Variants in EMSY observed in about 807,000 individuals in gnomAD.
EMSY encodes EMSY transcriptional repressor, BRCA2 interacting.
Under a neutral mutation model 134.6 loss-of-function variants are expected in EMSY, and 26 were observed. The observed-to-expected ratio is 0.19, with a 90% CI of 0.14 to 0.27. The LOEUF (loss-of-function observed/expected upper bound fraction) is 0.27. EMSY is among the 10% of genes least tolerant of loss of function. The probability of loss-of-function intolerance (pLI) is 1.00; values close to 1 mark genes in which losing one functional copy is unlikely to be tolerated. For synonymous variants in EMSY, 579 were observed against 577.8 expected, an observed-to-expected ratio of 1.00 and a Z score of -0.03; for missense variants, 1,305 against 1,611.4, an observed-to-expected ratio of 0.81 and a Z score of 3.26.
chr11:76,527,943 C>T lies in EMSY; in HGVS notation c.1996-325C>T, dbSNP rs149843954. Reference sequence around the variant, plus strand: ...GACTCCTTGTGTCTTTTTGTTCTGCCATCCTCAGCTTGTGGATATCATTTT... The same window carrying T: ...GACTCCTTGTGTCTTTTTGTTCTGCTATCCTCAGCTTGTGGATATCATTTT... On this transcript the variant is annotated intron_variant, in intron 13 of 20. Coordinates refer to ENST00000334736, the Ensembl canonical transcript of EMSY. 7.2e-5 allele frequency among the ~76,000 whole-genome samples: 11 copies of T among 152,068 alleles called. No homozygotes were observed. In the East Asian group the frequency reaches 2.1e-3, roughly 29 times the overall value.
Position 76,545,813 on chromosome 11 carries a change from T to C in EMSY, c.3290T>C (p.Ile1097Thr), listed in dbSNP as rs747857058. ...TATTTTCAGGTGGAGCAGCCAATTA[T>C]AACCCAAGGATCCTCTGTTACAAAG... Residue 1097 changes from isoleucine (I) to threonine (T), a missense_variant, in exon 20 of 21, where the codon ATA becomes ACA. Coordinates refer to ENST00000334736, the Ensembl canonical transcript of EMSY. 1.3e-4 allele frequency: 203 copies of C among 1,606,896 alleles called. 4 individuals are homozygous for C. In the South Asian group the frequency reaches 2.2e-3, roughly 17 times the overall value.
At chr11:76,486,547 G>C (rs1054771007) in intron 8 of EMSY, among the ~76,000 whole-genome samples, 4 of 152,124 alleles carry the variant, frequency 2.6e-5, no homozygotes, top group African/African-American at 9.7e-5. Context: ...AGTTGTGCAT[G>C]TCTGGCACAA....
chr11:76,522,237 G>GAC (rs982581957), intron 11 of EMSY, among the ~76,000 whole-genome samples: 1 of 149,950 alleles, frequency 6.7e-6, no homozygotes, highest in Non-Finnish European at 1.5e-5. Context: ...CTTAATAATT[G>GAC]ACAATATAAG....
chr11:76,494,131 C>T (rs1164622059), intron 8 of EMSY, among the ~76,000 whole-genome samples: 1 of 152,262 alleles, frequency 6.6e-6, no homozygotes, highest in African/African-American at 2.4e-5. Flanking sequence ...GCTGCCCGCC[C>T]CACTGCAGCA....
chr11:76,447,289 G>T (rs566964458), intron 2 of EMSY, among the ~76,000 whole-genome samples: 1 of 152,266 alleles, frequency 6.6e-6, no homozygotes, highest in East Asian at 1.9e-4. Context: ...AATATTTTAA[G>T]AATTAGCTTT....
At chr11:76,528,513 T>C (rs779962804) in intron 14 of EMSY, 47 bp downstream of exon 15, 1 of 1,418,342 alleles carries the variant, frequency 7.1e-7, no homozygotes, top group Non-Finnish European at 9.7e-7. Flanking sequence ...ACTGACATAG[T>C]GCCCAAATTC....
chr11:76,484,946 T>C (rs1312115554), intron 8 of EMSY, among the ~76,000 whole-genome samples: 7 of 145,432 alleles, frequency 4.8e-5, no homozygotes, highest in Non-Finnish European at 7.6e-5. Flanking sequence ...AAAAAAAACC[T>C]AGAAGAAATG....
intron 1 of EMSY, among the ~76,000 whole-genome samples, 167 bp from the exon 2 acceptor site, chr11:76,446,733 A>C (rs1458659146): frequency 3.3e-5 from 5 of 152,198 alleles, no homozygotes; most frequent in Non-Finnish European, 7.4e-5. Flanking sequence ...CAAATGACTT[A>C]ATTCTTGATT....
intron 6 of EMSY, among the ~76,000 whole-genome samples, chr11:76,463,296 C>T (rs1241798748): frequency 1.3e-5 from 2 of 149,930 alleles, no homozygotes; most frequent in East Asian, 4.0e-4. Context: ...GCACTCCAGC[C>T]TGGGCGACAG....
intron 13 of EMSY, among the ~76,000 whole-genome samples, chr11:76,527,904 C>T (rs2136360231): frequency 6.6e-6 from 1 of 152,124 alleles, no homozygotes; most frequent in East Asian, 1.9e-4. Flanking sequence ...CACAAAAATT[C>T]CACTGGGAAT....
intron 16 of EMSY, 31 bp from the exon 18 acceptor site, chr11:76,539,567 AC>A: frequency 6.2e-7 from 1 of 1,610,120 alleles, no homozygotes; most frequent in South Asian, 1.1e-5. Flanking sequence ...AGATGAAAAG[AC>A]TATGATTTCT....
intron 8 of EMSY, among the ~76,000 whole-genome samples, chr11:76,494,877 A>G (rs2135777754): frequency 6.6e-6 from 1 of 152,216 alleles, no homozygotes; most frequent in East Asian, 1.9e-4. Flanking sequence ...CTGGGATTAC[A>G]GGTGCCTGCC....
chr11:76,550,360 G>A (rs200436602), exon 21 of EMSY: 7 of 326,104 alleles, frequency 2.1e-5, no homozygotes, highest in Admixed American at 4.9e-5. Flanking sequence ...AAATGAAAAA[G>A]AAAAAAAAAG....
rs907135090 is a variant in EMSY, at chr11:76,523,350, T to C, written c.1821+59T>C. 5 of 1,550,954 alleles carry C rather than the reference T, an allele frequency of 3.2e-6. No individual in the cohort carries two copies. The African/African-American group carries it at 4.2e-5, about 13-fold the overall frequency. On this transcript the variant is annotated intron_variant, in intron 12 of 20. Coordinates refer to ENST00000334736, the Ensembl canonical transcript of EMSY. ...TCACAGAGGATTTAAAGACCAGCTATATAAATATTTGCACAAGGACTTGAG... is the reference window on the plus strand; with the variant it reads ...TCACAGAGGATTTAAAGACCAGCTACATAAATATTTGCACAAGGACTTGAG...
At chr11:76,490,855 G>GTGTGTGT (rs1019049625) in intron 8 of EMSY, among the ~76,000 whole-genome samples, 4 of 148,686 alleles carry the variant, frequency 2.7e-5, no homozygotes, top group South Asian at 4.3e-4. Flanking sequence ...ATTGCTAGGG[G>GTGTGTGT]GTGTGTGTGT....
rs149143538 is a variant in EMSY at position 76,498,973 on chromosome 11, T to C, written c.1363+2504T>C. On this transcript the variant is annotated intron_variant, in intron 9 of 20. Transcript: ENST00000334736. ...ATCAACTTTGCCAATAACTTGTTTT[T>C]GTTTTTGAGACGGAGTCTCGCTTTG... 1.0e-3 allele frequency among the ~76,000 whole-genome samples: 154 copies of C among 152,386 alleles called. 1 individual carries two copies. The East Asian group carries it at 0.015, about 15-fold the overall frequency.
chr11:76,531,033 C>A (rs150367906), intron 14 of EMSY, among the ~76,000 whole-genome samples: 9 of 151,894 alleles, frequency 5.9e-5, no homozygotes, highest in African/African-American at 2.2e-4. Flanking sequence ...TACATTTTGC[C>A]CTATTTGCTT....
At chr11:76,528,299 A>G in exon 14 of EMSY, 1 of 1,613,710 alleles carries the variant, frequency 6.2e-7, no homozygotes. Context: ...GTGACTTTTC[A>G]AGCGACAGTT....
At chr11:76,464,101 C>CT in intron 7 of EMSY, 21 bp downstream of exon 8, 1 of 1,613,334 alleles carries the variant, frequency 6.2e-7, no homozygotes, top group East Asian at 2.2e-5. Context: ...GAGGGAGTCT[C>CT]TGCCTGCCAA....
Sources: allele counts gnomAD v4.1 joint callset (sites outside exome capture counted in the v4.1 genomes callset), GRCh38; gene constraint gnomAD v4.1.1; transcripts MANE v1.5; gene names NCBI Gene and HGNC (gene_info 2026-07-23, HGNC 2026-07-21).